DAB1: variants seen among roughly 807,000 people sequenced by gnomAD.
DAB1 encodes disabled homolog 1.
In DAB1, 15 loss-of-function variants were observed where a neutral mutation model predicts 64.6. The ratio of observed to expected loss-of-function variants is 0.23; its 90% CI spans 0.16 to 0.36. The LOEUF is 0.36. Among genes scored for constraint, DAB1 ranks in the 10% least tolerant of loss-of-function variants. The pLI is 1.00. For missense variants in DAB1, 596 were observed against 706.7 expected (o/e 0.84, Z 1.78); for synonymous variants, 235 against 251.9 (o/e 0.93, Z 0.64).
rs1645678236 is a variant in DAB1, at chr1:56,997,602, C to G, written c.*542G>C. On this transcript the variant is annotated 3_prime_UTR_variant, in exon 15 of 15. Coordinates refer to ENST00000371236, the MANE Select transcript of DAB1 (RefSeq NM_001365792.1). ...AGGGGGGAAAATGGCAGACCAGGCCCCATGGAGTGACAAAAAACACATCAT... is the reference window on the plus strand; with the variant it reads ...AGGGGGGAAAATGGCAGACCAGGCCGCATGGAGTGACAAAAAACACATCAT... The G allele has an allele frequency of 6.6e-6, 1 of 152,026 alleles. No individual in the cohort carries two copies. The highest frequency in any genetic ancestry group is 2.4e-5 in the African/African-American group (1 of 41,384). The allele number at this position is 152,026 out of a possible 1,614,324, so 9.4% of individuals were successfully genotyped here. A position where few individuals can be genotyped will look rare whatever the true frequency, so the allele number is the denominator to read the frequency against.
At chr1:58,168,349 G>A (rs185481669) in intron 4 of DAB1, among the ~76,000 whole-genome samples, 12 of 152,164 alleles carry the variant, frequency 7.9e-5, no homozygotes, top group East Asian at 1.9e-4. Flanking sequence ...GGCCATGAGC[G>A]GAACTCTCAA....
At chr1:58,284,628 C>T (rs1399639633) in intron 4 of DAB1, among the ~76,000 whole-genome samples, 2 of 152,248 alleles carry the variant, frequency 1.3e-5, no homozygotes, top group South Asian at 2.1e-4. Flanking sequence ...TTCTCAAAGT[C>T]GTTTCAGTGA....
intron 7 of DAB1, among the ~76,000 whole-genome samples, chr1:57,452,275 C>A (rs1686412529): frequency 6.8e-6 from 1 of 146,134 alleles, no homozygotes; most frequent in South Asian, 2.2e-4. Context: ...TTAATCTTCT[C>A]CTGTCTTAAA....
At chr1:57,012,929 T>C (rs1297645166) in intron 12 of DAB1, among the ~76,000 whole-genome samples, 2 of 152,220 alleles carry the variant, frequency 1.3e-5, no homozygotes, top group African/African-American at 4.8e-5. Flanking sequence ...TGTCTTAATC[T>C]TTAGAAGGCT....
chr1:57,783,206 C>A (rs1650192505), intron 6 of DAB1, among the ~76,000 whole-genome samples: 1 of 149,530 alleles, frequency 6.7e-6, no homozygotes, highest in African/African-American at 2.5e-5. Flanking sequence ...ACCTCCCAGG[C>A]TCAAGCAATC....
chr1:57,400,381 C>A (rs544522722), intron 1 of DAB1, among the ~76,000 whole-genome samples: 1 of 152,212 alleles, frequency 6.6e-6, no homozygotes, highest in East Asian at 1.9e-4. Flanking sequence ...ACATAACCCA[C>A]GTGGCTTATT....
At chr1:58,001,655 G>A (rs1646508743) in intron 5 of DAB1, among the ~76,000 whole-genome samples, 1 of 152,142 alleles carries the variant, frequency 6.6e-6, no homozygotes, top group South Asian at 2.1e-4. Context: ...GGGGCATGGG[G>A]GTAAGGATTA....
intron 5 of DAB1, among the ~76,000 whole-genome samples, chr1:58,006,382 T>C (rs998114366): frequency 6.6e-6 from 1 of 152,182 alleles, no homozygotes; most frequent in African/African-American, 2.4e-5. Context: ...GCTTGACATC[T>C]GCCTCCTATA....
intron 9 of DAB1, among the ~76,000 whole-genome samples, chr1:57,035,077 T>C (rs957106778): frequency 6.6e-6 from 1 of 152,174 alleles, no homozygotes; most frequent in Admixed American, 6.5e-5. Context: ...ACCATAGACA[T>C]TATTATAATT....
intron 1 of DAB1, chr1:57,386,713 C>T (rs946907919): frequency 1.3e-5 from 2 of 148,420 alleles, no homozygotes; most frequent in East Asian, 1.9e-4. Context: ...TCATTCCTCA[C>T]TATCTTCTGG....
chr1:57,982,350 C>T (rs751529817), intron 5 of DAB1, among the ~76,000 whole-genome samples: 11 of 152,188 alleles, frequency 7.2e-5, no homozygotes, highest in Non-Finnish European at 1.5e-4. Flanking sequence ...CAAGCAATGG[C>T]TGCACTTGTC....
intron 5 of DAB1, among the ~76,000 whole-genome samples, chr1:58,071,289 A>C (rs1410171165): frequency 2.0e-5 from 3 of 152,012 alleles, no homozygotes; most frequent in Non-Finnish European, 4.4e-5. Context: ...CTGGGAGAAC[A>C]CACAGTATGG....
intron 7 of DAB1, among the ~76,000 whole-genome samples, chr1:57,586,231 C>A (rs186582923): frequency 6.6e-6 from 1 of 152,114 alleles, no homozygotes; most frequent in Non-Finnish European, 1.5e-5. Flanking sequence ...AGAAACTTTT[C>A]TCTCCTCACC....
At chr1:58,202,761 G>C (rs1658069610) in intron 4 of DAB1, among the ~76,000 whole-genome samples, 1 of 152,136 alleles carries the variant, frequency 6.6e-6, no homozygotes, top group Non-Finnish European at 1.5e-5. Flanking sequence ...GGGTTGCTTT[G>C]TCGATATGTG....
At chr1:58,304,791 G>A (rs916022338) in intron 4 of DAB1, among the ~76,000 whole-genome samples, 1 of 151,992 alleles carries the variant, frequency 6.6e-6, no homozygotes, top group African/African-American at 2.4e-5. Context: ...TGTTCCCTGG[G>A]GGATTCTGAC....
intron 5 of DAB1, among the ~76,000 whole-genome samples, chr1:57,895,800 C>T (rs1169998727): frequency 1.3e-5 from 2 of 152,038 alleles, no homozygotes; most frequent in Non-Finnish European, 2.9e-5. Flanking sequence ...ATCCTCATAC[C>T]AATGGTGTAT....
intron 7 of DAB1, among the ~76,000 whole-genome samples, chr1:57,613,935 T>G (rs1645758558): frequency 6.6e-6 from 1 of 152,218 alleles, no homozygotes; most frequent in Non-Finnish European, 1.5e-5. Flanking sequence ...AGTGTTTCAT[T>G]TTCAGGTTGA....
intron 4 of DAB1, among the ~76,000 whole-genome samples, chr1:57,128,995 C>T (rs1657397426): frequency 6.6e-6 from 1 of 152,188 alleles, no homozygotes; most frequent in Admixed American, 6.5e-5. Context: ...CCTTGGGTCT[C>T]AGTTTCTCAT....
At chr1:57,078,204 A>G (rs1652165909) in intron 4 of DAB1, among the ~76,000 whole-genome samples, 1 of 152,190 alleles carries the variant, frequency 6.6e-6, no homozygotes, top group African/African-American at 2.4e-5. Context: ...TGGCATCCTG[A>G]AATCTTCTAG....
Sources: allele counts gnomAD v4.1 joint callset (sites outside exome capture counted in the v4.1 genomes callset), GRCh38; gene constraint gnomAD v4.1.1; transcripts MANE v1.5; gene names NCBI Gene and HGNC (gene_info 2026-07-23, HGNC 2026-07-21).